The following HTR2C variants were observed in gnomAD, a reference collection of about 807,000 sequenced individuals.
HTR2C encodes the protein 5-hydroxytryptamine receptor 2C.
Under a neutral mutation model 21.0 loss-of-function variants are expected in HTR2C, and 5 were observed. That is an observed-to-expected ratio of 0.24 (90% CI 0.12 to 0.50). HTR2C has a LOEUF of 0.50. Among genes scored for constraint, HTR2C ranks in the 20% least tolerant of loss-of-function variants. HTR2C has a pLI of 0.98. For missense variants in HTR2C, 271 were observed against 371.2 expected (o/e 0.73, Z 2.22); for synonymous variants, 150 against 145.3 (o/e 1.03, Z -0.23).
intron 2 of HTR2C, among the ~76,000 whole-genome samples, chrX:114,695,023 C>G (rs1425736196): frequency 1.8e-5 from 2 of 111,973 alleles, no homozygotes; most frequent in Non-Finnish European, 3.8e-5. Context: ...TCATGACAAG[C>G]AAGATTATAA....
intron 2 of HTR2C, among the ~76,000 whole-genome samples, chrX:114,646,546 G>T (rs1399236053): frequency 8.9e-6 from 1 of 111,940 alleles, no homozygotes; most frequent in Non-Finnish European, 1.9e-5. Context: ...TTGATGATTC[G>T]TGAGGAACAT....
chrX:114,851,159 A>G (rs1170917829), intron 5 of HTR2C, among the ~76,000 whole-genome samples: 1 of 111,901 alleles, frequency 8.9e-6, no homozygotes, highest in Non-Finnish European at 1.9e-5. Context: ...ACAAGTCTAC[A>G]ATCATCGCAT....
At chrX:114,744,578 G>A (rs1569490321) in intron 4 of HTR2C, among the ~76,000 whole-genome samples, 1 of 107,976 alleles carries the variant, frequency 9.3e-6, no homozygotes, top group Non-Finnish European at 1.9e-5. Flanking sequence ...TCAGCCTCCC[G>A]AGTAGCCGGG....
At chrX:114,823,456 C>T (rs782296965) in intron 4 of HTR2C, 3 of 345,531 alleles carry the variant, frequency 8.7e-6, no homozygotes, top group Middle Eastern at 4.5e-4. Flanking sequence ...TCGCATGGGC[C>T]GGGAGGTTGA....
At chrX:114,675,032 G>A (rs1318088950) in intron 2 of HTR2C, among the ~76,000 whole-genome samples, 1 of 112,347 alleles carries the variant, frequency 8.9e-6, no homozygotes, top group Non-Finnish European at 1.9e-5. Flanking sequence ...CACTGGGCCA[G>A]TTGCTACCTT....
rs1933513193 is a variant in HTR2C at position 114,726,867 on chromosome X, T to C, written c.-70T>C. ...CTTTTTCTCTCCCCAGAAAGGATGA[T>C]ATGATGAACCTAGCCTGTTAATTTC... On this transcript the variant is annotated 5_prime_UTR_variant, in exon 3 of 6. Transcript: ENST00000276198. The C allele has an allele frequency of 1.6e-6, 1 of 637,150 alleles. No homozygotes were observed. The highest frequency in any genetic ancestry group is 2.4e-6 in the Non-Finnish European group (1 of 413,147). 52.5% of individuals were successfully genotyped at this position (637,150 alleles called of 1,213,427 possible). A position where few individuals can be genotyped will look rare whatever the true frequency, so the allele number is the denominator to read the frequency against.
chrX:114,715,712 ACCT>A (rs782448665), intron 2 of HTR2C, among the ~76,000 whole-genome samples: 1 of 111,955 alleles, frequency 8.9e-6, no homozygotes, highest in East Asian at 2.8e-4. Context: ...AAGATATCTA[ACCT>A]CAAGCTATGG....
intron 4 of HTR2C, among the ~76,000 whole-genome samples, chrX:114,837,016 A>T (rs1196724699): frequency 3.6e-5 from 4 of 111,721 alleles, no homozygotes; most frequent in African/African-American, 1.3e-4. Context: ...ACATTTAATT[A>T]TTAAATATTT....
At chrX:114,880,853 T>C (rs1350190716) in intron 5 of HTR2C, among the ~76,000 whole-genome samples, 2 of 111,641 alleles carry the variant, frequency 1.8e-5, no homozygotes, top group Non-Finnish European at 1.9e-5. Flanking sequence ...TAGCCAATAC[T>C]TTTTATCACA....
intron 5 of HTR2C, among the ~76,000 whole-genome samples, chrX:114,878,191 C>T (rs1233735465): frequency 9.1e-6 from 1 of 110,104 alleles, no homozygotes; most frequent in Non-Finnish European, 1.9e-5. Context: ...TGAAATTAAC[C>T]CTTTATCATT....
chrX:114,661,183 G>A (rs180856526), intron 2 of HTR2C, among the ~76,000 whole-genome samples: 1,274 of 111,026 alleles, frequency 0.011, 16 homozygotes, highest in African/African-American at 0.04. Context: ...GGCCGGGCGC[G>A]GTGGCCCACG....
chrX:114,793,939 GA>G (rs1334410567), intron 4 of HTR2C, among the ~76,000 whole-genome samples: 96 of 109,726 alleles, frequency 8.7e-4, no homozygotes, highest in African/African-American at 2.8e-3. Context: ...TGAGTGCTAT[GA>G]AAAAAAATAA....
At chrX:114,731,811 T>C (rs1267548383) in intron 4 of HTR2C, among the ~76,000 whole-genome samples, 2 of 111,684 alleles carry the variant, frequency 1.8e-5, no homozygotes, top group African/African-American at 6.5e-5. Flanking sequence ...ACATTTTATA[T>C]ATATTAAAAT....
chrX:114,714,473 G>A (rs1364119765), intron 2 of HTR2C, among the ~76,000 whole-genome samples: 1 of 112,005 alleles, frequency 8.9e-6, no homozygotes, highest in Non-Finnish European at 1.9e-5. Flanking sequence ...ATTTAAGGAA[G>A]TAGATAAAGG....
At chrX:114,833,309 G>A (rs2070747503) in intron 4 of HTR2C, among the ~76,000 whole-genome samples, 1 of 98,146 alleles carries the variant, frequency 1.0e-5, no homozygotes, top group African/African-American at 3.6e-5. Context: ...GGTAGAATTC[G>A]CCTGTGAATC....
At chrX:114,767,413 T>G (rs926470430) in intron 4 of HTR2C, among the ~76,000 whole-genome samples, 1 of 110,694 alleles carries the variant, frequency 9.0e-6, no homozygotes, top group Admixed American at 9.7e-5. Context: ...GAACAAAACT[T>G]TAAAGGGGAA....
chrX:114,781,028 G>T (rs1333032135), intron 4 of HTR2C, among the ~76,000 whole-genome samples: 2 of 111,644 alleles, frequency 1.8e-5, no homozygotes, highest in Non-Finnish European at 3.8e-5. Flanking sequence ...GATCCACTTT[G>T]TTCTTTTTCA....
At chrX:114,834,039 A>G (rs1408390899) in intron 4 of HTR2C, among the ~76,000 whole-genome samples, 3 of 110,602 alleles carry the variant, frequency 2.7e-5, no homozygotes, top group African/African-American at 9.9e-5. Context: ...CCTGAGTTCT[A>G]GTTTGATTGC....
At chrX:114,857,687 G>A (rs781840110) in intron 5 of HTR2C, among the ~76,000 whole-genome samples, 14 of 110,766 alleles carry the variant, frequency 1.3e-4, no homozygotes, top group South Asian at 7.5e-4. Flanking sequence ...CCTTACACTC[G>A]TTTAAAGTTC....
Sources: gnomAD v4.1 joint callset for allele counts (sites outside exome capture counted in the v4.1 genomes callset) on GRCh38, gnomAD v4.1.1 for gene constraint, MANE v1.5 for transcripts, NCBI Gene and HGNC (gene_info 2026-07-23, HGNC 2026-07-21) for gene names.